The following DCX variants were observed in gnomAD, a reference collection of about 807,000 sequenced individuals.
DCX encodes the protein doublecortin, also known as neuronal migration protein doublecortin.
DCX carries 4 observed loss-of-function variants against 20.9 expected under a neutral mutation model. That is an observed-to-expected ratio of 0.19 (90% confidence interval 0.09 to 0.44). The LOEUF (loss-of-function observed/expected upper bound fraction) is 0.44. Ranked by LOEUF, DCX falls within the 20% of genes least tolerant of loss-of-function variation. The probability of loss-of-function intolerance (pLI) is 0.99; values close to 1 mark genes in which losing one functional copy is unlikely to be tolerated. For missense variants in DCX, 133 were observed against 296.9 expected (o/e 0.45, Z 4.06); for synonymous variants, 103 against 111.4 (o/e 0.92, Z 0.47).
intron 3 of DCX, among the ~76,000 whole-genome samples, chrX:111,361,553 T>C (rs1446646045): frequency 8.9e-6 from 1 of 112,216 alleles, no homozygotes; most frequent in Admixed American, 9.5e-5. Context: ...TCCTAAACTG[T>C]TACCATTATT....
intron 3 of DCX, among the ~76,000 whole-genome samples, chrX:111,395,109 C>G (rs1338283956): frequency 9.0e-6 from 1 of 111,694 alleles, no homozygotes; most frequent in Non-Finnish European, 1.9e-5. Flanking sequence ...AGAGTGAAAA[C>G]ATGTCTCGAC....
Position 111,300,426 on chromosome X carries a change from G to A in DCX, c.*1261C>T, listed in dbSNP as rs906081531. 2 of 112,400 alleles carry A rather than the reference G, an allele frequency of 1.8e-5. No homozygotes were observed. The highest frequency in any genetic ancestry group is 6.5e-5 in the African/African-American group (2 of 30,895). 9.3% of individuals were successfully genotyped at this position (112,400 alleles called of 1,213,427 possible). On this transcript the variant is annotated 3_prime_UTR_variant, in exon 7 of 7. Coordinates refer to ENST00000636035, the MANE Select transcript of DCX (RefSeq NM_001195553.2). ...AGATAAAAAGAGTTGCTTAAAATAT[G>A]CTGTAACATTTCATTTAAAATATAA...
chrX:111,343,106 C>A (rs558662258), intron 3 of DCX, among the ~76,000 whole-genome samples: 1 of 104,542 alleles, frequency 9.6e-6, no homozygotes, highest in African/African-American at 3.5e-5. Context: ...AACTCCCCCC[C>A]ACCCCCAAAA....
At chrX:111,326,013 G>A (rs757964524) in intron 5 of DCX, among the ~76,000 whole-genome samples, 9 of 110,951 alleles carry the variant, frequency 8.1e-5, no homozygotes, top group Non-Finnish European at 1.5e-4. Flanking sequence ...AAGGACCCTG[G>A]GATACAGGTC....
chrX:111,368,784 T>G (rs1266055545), intron 3 of DCX, among the ~76,000 whole-genome samples: 4 of 110,296 alleles, frequency 3.6e-5, no homozygotes, highest in Non-Finnish European at 3.8e-5. Context: ...ATTCCCTAAT[T>G]TAACCACATT....
chrX:111,386,889 C>G (rs891995281), intron 3 of DCX, among the ~76,000 whole-genome samples: 10 of 111,199 alleles, frequency 9.0e-5, no homozygotes, highest in Non-Finnish European at 1.9e-4. Flanking sequence ...ATTTCTATTC[C>G]CAACTCTGAG....
At chrX:111,383,936 G>A (rs1185808555) in intron 3 of DCX, among the ~76,000 whole-genome samples, 2 of 111,182 alleles carry the variant, frequency 1.8e-5, no homozygotes, top group East Asian at 2.9e-4. Flanking sequence ...TTACAGCTCC[G>A]ATATTCTGAG....
At chrX:111,387,891 C>T (rs1926644765) in intron 3 of DCX, among the ~76,000 whole-genome samples, 1 of 111,352 alleles carries the variant, frequency 9.0e-6, no homozygotes, top group Admixed American at 9.6e-5. Flanking sequence ...TTATTGCCAG[C>T]TGGAGAAGTA....
intron 3 of DCX, among the ~76,000 whole-genome samples, chrX:111,342,466 G>A (rs1922377143): frequency 1.0e-5 from 1 of 98,543 alleles, no homozygotes; most frequent in Admixed American, 1.1e-4. Flanking sequence ...CAATAATAGT[G>A]GGAGACTTTA....
chrX:111,410,630 C>T (rs1480813909), intron 1 of DCX: 13 of 840,711 alleles, frequency 1.5e-5, no homozygotes, highest in East Asian at 9.6e-5. Flanking sequence ...GAAGGAGGGG[C>T]TGGGCGGGGG....
intron 3 of DCX, among the ~76,000 whole-genome samples, chrX:111,375,627 C>A (rs745950660): frequency 9.0e-6 from 1 of 111,057 alleles, no homozygotes; most frequent in East Asian, 2.9e-4. Flanking sequence ...GGAGGATGAT[C>A]CATTGTTCTT....
At chrX:111,330,104 G>A (rs191448549) in intron 5 of DCX, among the ~76,000 whole-genome samples, 142 of 111,767 alleles carry the variant, frequency 1.3e-3, no homozygotes, top group South Asian at 3.0e-3. Context: ...GACAAGATAG[G>A]GTTCACATCA....
chrX:111,318,489 A>T (rs947881044), intron 5 of DCX, among the ~76,000 whole-genome samples: 1 of 110,554 alleles, frequency 9.0e-6, no homozygotes, highest in African/African-American at 3.3e-5. Context: ...ATAACAACAC[A>T]TGCATGTGTA....
intron 3 of DCX, among the ~76,000 whole-genome samples, chrX:111,394,918 G>A (rs1032712868): frequency 2.7e-5 from 3 of 112,099 alleles, no homozygotes; most frequent in African/African-American, 6.5e-5. Context: ...GGGGTCAAAC[G>A]AAAATTACAA....
intron 3 of DCX, among the ~76,000 whole-genome samples, chrX:111,388,161 C>T (rs1926664801): frequency 9.0e-6 from 1 of 111,709 alleles, no homozygotes; most frequent in Non-Finnish European, 1.9e-5. Context: ...TTTTCCTAAC[C>T]TCTTACAACT....
At chrX:111,325,347 C>T (rs746084960) in intron 5 of DCX, among the ~76,000 whole-genome samples, 20 of 111,272 alleles carry the variant, frequency 1.8e-4, no homozygotes, top group African/African-American at 4.9e-4. Context: ...TGGGACACTG[C>T]GAATAATGCT....
At chrX:111,361,292 A>G (rs897573997) in intron 3 of DCX, among the ~76,000 whole-genome samples, 7 of 112,160 alleles carry the variant, frequency 6.2e-5, no homozygotes, top group African/African-American at 2.3e-4. Flanking sequence ...GAACTAATAT[A>G]TTATGTGTAC....
chrX:111,371,703 T>C (rs1440025547), intron 3 of DCX, among the ~76,000 whole-genome samples: 1 of 110,549 alleles, frequency 9.0e-6, no homozygotes, highest in Non-Finnish European at 1.9e-5. Flanking sequence ...CCATGACAGA[T>C]AGAAAAAATA....
At chrX:111,359,572 G>A (rs1924031434) in intron 3 of DCX, among the ~76,000 whole-genome samples, 1 of 110,870 alleles carries the variant, frequency 9.0e-6, no homozygotes, top group African/African-American at 3.3e-5. Flanking sequence ...AAAAAGATGT[G>A]GTAAATAAAT....
Sources: gnomAD v4.1 joint callset for allele counts (sites outside exome capture counted in the v4.1 genomes callset) on GRCh38, gnomAD v4.1.1 for gene constraint, MANE v1.5 for transcripts, NCBI Gene and HGNC (gene_info 2026-07-23, HGNC 2026-07-21) for gene names.